RNFT2: variants seen among roughly 807,000 people sequenced by gnomAD.
RNFT2 encodes ring finger protein, transmembrane 2.
Under a neutral mutation model 53.0 loss-of-function variants are expected in RNFT2, and 36 were observed. The observed-to-expected ratio is 0.68, with a 90% CI of 0.52 to 0.90. The LOEUF (loss-of-function observed/expected upper bound fraction) is 0.90, where lower values mean the gene tolerates loss of function less well. Ranked by LOEUF, RNFT2 falls within the 40% of genes least tolerant of loss-of-function variation. RNFT2 has a pLI of 0.00. For missense variants in RNFT2, 514 were observed against 585.6 expected (o/e 0.88, Z 1.26); for synonymous variants, 260 against 253.2 (o/e 1.03, Z -0.26).
intron 3 of RNFT2, among the ~76,000 whole-genome samples, chr12:116,749,338 C>G (rs545138627): frequency 7.1e-6 from 1 of 141,288 alleles, no homozygotes; most frequent in Non-Finnish European, 1.5e-5. Flanking sequence ...AGTGCAGTGG[C>G]GAGATCTTGG....
intron 7 of RNFT2, 33 bp downstream of exon 7, chr12:116,779,381 A>C: frequency 2.5e-6 from 4 of 1,612,158 alleles, no homozygotes; most frequent in Non-Finnish European, 3.4e-6. Flanking sequence ...AGGTAGCCCC[A>C]GTCACATGGA....
intron 10 of RNFT2, among the ~76,000 whole-genome samples, chr12:116,841,968 G>A (rs12313743): frequency 0.62 from 11,334 of 18,350 alleles, 2,897 homozygotes; most frequent in African/African-American, 0.68. Context: ...TAGAGAGAGA[G>A]AGAGAGAGAG....
chr12:116,782,393 G>A (rs1366961531), intron 7 of RNFT2, among the ~76,000 whole-genome samples: 1 of 151,956 alleles, frequency 6.6e-6, no homozygotes, highest in East Asian at 1.9e-4. Flanking sequence ...TGAGTGTGGT[G>A]ACACATGCCT....
chr12:116,825,976 T>C (rs914230766), intron 7 of RNFT2, among the ~76,000 whole-genome samples: 1 of 152,092 alleles, frequency 6.6e-6, no homozygotes, highest in Non-Finnish European at 1.5e-5. Context: ...TTATTCATCT[T>C]GATACAGAAA....
At chr12:116,823,946 G>T (rs955415051) in intron 7 of RNFT2, among the ~76,000 whole-genome samples, 1 of 152,124 alleles carries the variant, frequency 6.6e-6, no homozygotes, top group Non-Finnish European at 1.5e-5. Flanking sequence ...GAAGTGACTT[G>T]CCCCAGGTAA....
rs375641490 is a variant in RNFT2 at position 116,750,009 on chromosome 12, C to T, written c.252C>T (p.Gly84=). 23 of 1,555,060 alleles carry T rather than the reference C, an allele frequency of 1.5e-5. No homozygotes were observed. The highest frequency in any genetic ancestry group is 1.5e-4 in the East Asian group (6 of 41,264). The part of the protein sequence containing the change: ...SSLVLGSSAG[G]GDVFIQMPAS... The stretch of plus-strand genomic sequence containing the variant: ...TGGTGCTGGGCTCCTCGGCTGGCGG[C>T]GGGGACGTGTTCATCCAGATGCCCG... The change falls in exon 4 of 11, where the codon GGC becomes GGT. Residue 84 remains glycine, a synonymous_variant. Coordinates refer to ENST00000257575, the MANE Select transcript of RNFT2 (RefSeq NM_001382266.1).
rs1208831336 is a variant in RNFT2 at position 116,794,702 on chromosome 12, G to GA, written c.882+15355dup. ...AGGGAGGGAGGGAGGGAAGGGAAGG[G>GA]AGGAAAGAAAGAAAGAAATGAATTA... is the stretch of plus-strand genomic sequence containing the variant. On this transcript the variant is annotated intron_variant, in intron 7 of 10. Coordinates refer to ENST00000257575, the MANE Select transcript of RNFT2 (RefSeq NM_001382266.1). Among the ~76,000 whole-genome samples the GA allele has an allele frequency of 4.9e-3, 673 of 138,632 alleles. 22 individuals are homozygous for GA. Among genetic ancestry groups the GA allele is most frequent in the South Asian group, 0.017 (73 of 4,196 alleles). The allele number at this position is 138,632 out of a possible 152,430, so 90.9% of individuals were successfully genotyped here. A position where few individuals can be genotyped will look rare whatever the true frequency, so the allele number is the denominator to read the frequency against.
In RNFT2 at chr12:116,851,596, C is replaced by T. The variant is rs1393131855; in HGVS notation, c.*2148C>T. On this transcript the variant is annotated 3_prime_UTR_variant, in exon 11 of 11. Coordinates refer to ENST00000257575, the MANE Select transcript of RNFT2 (RefSeq NM_001382266.1). ...TTTACTAAAAAATACAAAAATTAGCCGGGCGCGGTGGCGGGTGCCTGTAAT... is the reference window on the plus strand; with the variant it reads ...TTTACTAAAAAATACAAAAATTAGCTGGGCGCGGTGGCGGGTGCCTGTAAT... 14 of 597,512 alleles carry T rather than the reference C, an allele frequency of 2.3e-5. No homozygotes were observed. Among genetic ancestry groups the T allele is most frequent in the Middle Eastern group, 4.4e-4 (1 of 2,260 alleles). 37.0% of individuals were successfully genotyped at this position (597,512 alleles called of 1,614,324 possible). A position where few individuals can be genotyped will look rare whatever the true frequency, so the allele number is the denominator to read the frequency against.
intron 7 of RNFT2, among the ~76,000 whole-genome samples, chr12:116,827,371 G>A (rs1188293616): frequency 6.6e-6 from 1 of 152,178 alleles, no homozygotes; most frequent in Non-Finnish European, 1.5e-5. Context: ...ATGAATAGAT[G>A]TTAGCTCAGC....
chr12:116,755,724 C>T lies in RNFT2; in HGVS notation c.627+1664C>T. On this transcript the variant is annotated intron_variant, in intron 5 of 10. Coordinates refer to ENST00000257575, the MANE Select transcript of RNFT2 (RefSeq NM_001382266.1). ...CCATGGTAACACTTACGGGGCATTC[C>T]TTTTTGAACAGTACCCATTCCCTTG... The T allele has an allele frequency of 3.3e-6, 5 of 1,492,874 alleles. 1 individual carries two copies. The South Asian group carries it at 5.6e-5, about 17-fold the overall frequency. The allele number at this position is 1,492,874 out of a possible 1,614,324, so 92.5% of individuals were successfully genotyped here. A position where few individuals can be genotyped will look rare whatever the true frequency, so the allele number is the denominator to read the frequency against.
At chr12:116,843,720 T>A in intron 10 of RNFT2, among the ~76,000 whole-genome samples, 1 of 152,088 alleles carries the variant, frequency 6.6e-6, no homozygotes, top group East Asian at 1.9e-4. Flanking sequence ...TAAACCTGGT[T>A]TTTTGAACCT....
At position 116,754,081 on chromosome 12, in the gene RNFT2, G is replaced by A. The variant is rs1872380963; in HGVS notation, c.627+21G>A. On this transcript the variant is annotated intron_variant, in intron 5 of 10. Transcript: ENST00000257575. The stretch of plus-strand genomic sequence containing the variant: ...TGAAGGTGAGTCACTTTCCGACCTA[G>A]TCTCCTGTGGCTGCTGCAACAAATA... 5 of 1,598,784 alleles carry A rather than the reference G, an allele frequency of 3.1e-6. No homozygotes were observed. In the South Asian group the frequency reaches 4.4e-5, roughly 14 times the overall value.
In RNFT2 at chr12:116,743,213, T is replaced by TAAAAAAAAAAAAAA. The variant is rs762013507; in HGVS notation, c.83+2137_83+2150dup. Among the ~76,000 whole-genome samples the TAAAAAAAAAAAAAA allele has an allele frequency of 8.1e-3, 86 of 10,650 alleles. 16 individuals carry two copies. Among genetic ancestry groups the TAAAAAAAAAAAAAA allele is most frequent in the Non-Finnish European group, 0.013 (73 of 5,790 alleles). 7.0% of individuals were successfully genotyped at this position (10,650 alleles called of 152,430 possible). A position where few individuals can be genotyped will look rare whatever the true frequency, so the allele number is the denominator to read the frequency against. On this transcript the variant is annotated intron_variant, in intron 3 of 10. Coordinates refer to ENST00000257575, the MANE Select transcript of RNFT2 (RefSeq NM_001382266.1). ...TGATTAATAGATACCAGGTAGAATC[T>TAAAAAAAAAAAAAA]AAAAAAAAAAAAAAAAAAAAAAAAA...
intron 6 of RNFT2, among the ~76,000 whole-genome samples, chr12:116,775,261 C>CA (rs5801198): frequency 0.76 from 88,233 of 116,492 alleles, 34,522 homozygotes; most frequent in Non-Finnish European, 0.86. Flanking sequence ...ACTCCCGTCT[C>CA]AAAAAAAAAA....
chr12:116,849,168 T>C, intron 10 of RNFT2, 146 bp from the exon 11 acceptor site: 1 of 600,298 alleles, frequency 1.7e-6, no homozygotes, highest in Non-Finnish European at 3.0e-6. Flanking sequence ...CTCAGTATTT[T>C]GGAGTCGCAT....
chr12:116,765,451 G>T (rs561039559), intron 5 of RNFT2, among the ~76,000 whole-genome samples: 100 of 152,222 alleles, frequency 6.6e-4, no homozygotes, highest in Middle Eastern at 6.8e-3. Flanking sequence ...GAGACACTGT[G>T]TATTGAGCAT....
intron 10 of RNFT2, among the ~76,000 whole-genome samples, chr12:116,847,567 G>A (rs1019101338): frequency 1.3e-4 from 19 of 146,076 alleles, no homozygotes; most frequent in Non-Finnish European, 2.5e-4. Flanking sequence ...TGCTCTCGTT[G>A]CCCAGGCTGG....
intron 7 of RNFT2, among the ~76,000 whole-genome samples, chr12:116,823,410 G>A (rs554805786): frequency 4.6e-5 from 7 of 152,342 alleles, no homozygotes; most frequent in East Asian, 1.9e-4. Context: ...CAGGCCAAGC[G>A]TGGTAGCTCA....
intron 7 of RNFT2, among the ~76,000 whole-genome samples, chr12:116,831,288 G>C (rs940419156): frequency 6.6e-6 from 1 of 152,100 alleles, no homozygotes; most frequent in Non-Finnish European, 1.5e-5. Context: ...TTATTGCTGA[G>C]TTTTGGTGAG....
Sources: gnomAD v4.1 joint callset for allele counts (sites outside exome capture counted in the v4.1 genomes callset) on GRCh38, gnomAD v4.1.1 for gene constraint, MANE v1.5 for transcripts, NCBI Gene and HGNC (gene_info 2026-07-23, HGNC 2026-07-21) for gene names.